The following MYO1E variants were observed in gnomAD, a reference collection of about 807,000 sequenced individuals.
MYO1E encodes unconventional myosin-Ie.
A neutral mutation model predicts 151.1 loss-of-function variants in MYO1E; 68 were observed. The ratio of observed to expected loss-of-function variants is 0.45; its 90% CI spans 0.37 to 0.55. MYO1E has a LOEUF of 0.55. MYO1E is among the 20% of genes least tolerant of loss of function. The pLI, the probability that MYO1E is intolerant of heterozygous loss-of-function variation, is 0.00. For missense variants in MYO1E, 1,363 were observed against 1,389.3 expected (o/e 0.98, Z 0.30); for synonymous variants, 601 against 501.7 (o/e 1.20, Z -2.64).
In MYO1E at chr15:59,372,860, T is replaced by A; in HGVS notation, c.-360A>T. ...TTCGGCCACTTAATCCGTACTCCTC[T>A]GGCTGAGTCTCGGCTCGGGCCGGGC... On this transcript the variant is annotated 5_prime_UTR_variant, in exon 1 of 28. Coordinates refer to ENST00000288235, the MANE Select transcript of MYO1E (RefSeq NM_004998.4). 2.9e-6 allele frequency: 1 copy of A among 346,928 alleles called. No individual in the cohort carries two copies. The highest frequency in any genetic ancestry group is 5.3e-6 in the Non-Finnish European group (1 of 190,170). The allele number at this position is 346,928 out of a possible 1,614,324, so 21.5% of individuals were successfully genotyped here.
intron 9 of MYO1E, among the ~76,000 whole-genome samples, chr15:59,221,780 G>A (rs746330655): frequency 1.3e-5 from 2 of 152,142 alleles, no homozygotes; most frequent in African/African-American, 4.8e-5. Context: ...ATCTAGGGAA[G>A]TGTTTGCTGT....
At chr15:59,324,462 T>C (rs1329679494) in intron 1 of MYO1E, among the ~76,000 whole-genome samples, 2 of 152,150 alleles carry the variant, frequency 1.3e-5, no homozygotes, top group Non-Finnish European at 2.9e-5. Flanking sequence ...AAAATCAGGC[T>C]GTCTTTGGAG....
At chr15:59,243,889 A>G (rs1168363565) in intron 4 of MYO1E, among the ~76,000 whole-genome samples, 2 of 152,008 alleles carry the variant, frequency 1.3e-5, no homozygotes, top group Non-Finnish European at 2.9e-5. Flanking sequence ...CTCAATTCAC[A>G]GACTCCGCTT....
At chr15:59,302,839 T>G (rs766551784) in intron 1 of MYO1E, among the ~76,000 whole-genome samples, 1 of 152,170 alleles carries the variant, frequency 6.6e-6, no homozygotes, top group Non-Finnish European at 1.5e-5. Flanking sequence ...ACTTGCCAAT[T>G]TAGAAGCTAA....
intron 18 of MYO1E, among the ~76,000 whole-genome samples, chr15:59,183,763 C>T (rs1338927515): frequency 6.6e-6 from 1 of 152,082 alleles, no homozygotes; most frequent in African/African-American, 2.4e-5. Flanking sequence ...TGCTAGGAAA[C>T]ACTAGGTCTT....
chr15:59,348,942 C>T (rs998365520), intron 1 of MYO1E: 1 of 152,184 alleles, frequency 6.6e-6, no homozygotes, highest in Non-Finnish European at 1.5e-5. Flanking sequence ...AGTTCAATAT[C>T]TTAATGAGAC....
intron 1 of MYO1E, among the ~76,000 whole-genome samples, chr15:59,356,662 C>G (rs1232159802): frequency 6.6e-6 from 1 of 152,198 alleles, no homozygotes; most frequent in Non-Finnish European, 1.5e-5. Flanking sequence ...ACTGCACCCT[C>G]TGCCTCCCGG....
chr15:59,145,625 C>G (rs751781660), intron 26 of MYO1E, among the ~76,000 whole-genome samples: 1 of 152,010 alleles, frequency 6.6e-6, no homozygotes, highest in Non-Finnish European at 1.5e-5. Context: ...CTCCTGGCCT[C>G]AAGTGATCCA....
chr15:59,215,315 G>A (rs1398059571), intron 10 of MYO1E, among the ~76,000 whole-genome samples: 2 of 152,144 alleles, frequency 1.3e-5, no homozygotes, highest in Non-Finnish European at 2.9e-5. Context: ...TCAATGTGTT[G>A]TTTCACTTAA....
intron 22 of MYO1E, among the ~76,000 whole-genome samples, chr15:59,167,149 T>G (rs1382836528): frequency 3.3e-5 from 5 of 152,146 alleles, no homozygotes; most frequent in Non-Finnish European, 5.9e-5. Context: ...CCAGAAAGTT[T>G]AGGGGATTCA....
chr15:59,181,864 C>T (rs1220294167), intron 18 of MYO1E, among the ~76,000 whole-genome samples: 1 of 152,194 alleles, frequency 6.6e-6, no homozygotes, highest in Non-Finnish European at 1.5e-5. Context: ...GGCAGCCTTT[C>T]TGTGGACACC....
At chr15:59,230,214 CAG>C (rs1491450674) in intron 6 of MYO1E, among the ~76,000 whole-genome samples, 5,205 of 45,886 alleles carry the variant, frequency 0.11, 241 homozygotes, top group Middle Eastern at 0.23. Flanking sequence ...GAGAGAGAGA[CAG>C]TGTGTGTTTG....
chr15:59,348,976 C>A (rs12593355), intron 1 of MYO1E: 20,921 of 152,072 alleles, frequency 0.14, 1,664 homozygotes, highest in East Asian at 0.29. Context: ...GGGTCTAACA[C>A]AAGGCAGAAC....
In MYO1E at chr15:59,134,149, C is replaced by T. The variant is rs546853027; in HGVS notation, c.*3231G>A. On this transcript the variant is annotated 3_prime_UTR_variant, in exon 28 of 28. Coordinates refer to ENST00000288235, the MANE Select transcript of MYO1E (RefSeq NM_004998.4). ...AGAATATTGGTGGACATGGTGTGCACACAGGGCAGGTCCTTTAAGGAGGAA... is the reference window on the plus strand; with the variant it reads ...AGAATATTGGTGGACATGGTGTGCATACAGGGCAGGTCCTTTAAGGAGGAA... 1 of 152,432 alleles carries T rather than the reference C, an allele frequency of 6.6e-6. No individual in the cohort carries two copies. The highest frequency in any genetic ancestry group is 2.4e-5 in the African/African-American group (1 of 41,568). The allele number at this position is 152,432 out of a possible 1,614,324, so 9.4% of individuals were successfully genotyped here.
At chr15:59,254,655 T>C (rs2080183802) in intron 4 of MYO1E, among the ~76,000 whole-genome samples, 2 of 148,628 alleles carry the variant, frequency 1.3e-5, no homozygotes, top group African/African-American at 2.4e-5. Context: ...TGTGTATATT[T>C]GTAATTATCC....
At chr15:59,300,148 G>A (rs2080473164) in intron 1 of MYO1E, among the ~76,000 whole-genome samples, 1 of 152,232 alleles carries the variant, frequency 6.6e-6, no homozygotes, top group Middle Eastern at 3.4e-3. Context: ...AAGAGCCTGG[G>A]CTTTGGGTCC....
chr15:59,204,845 G>T (rs1241620451), intron 15 of MYO1E, among the ~76,000 whole-genome samples: 2 of 152,198 alleles, frequency 1.3e-5, no homozygotes, highest in Non-Finnish European at 2.9e-5. Flanking sequence ...GAGCTCAGGG[G>T]CAAAGTATCA....
chr15:59,158,633 T>C (rs149235140), intron 24 of MYO1E, among the ~76,000 whole-genome samples: 55 of 152,298 alleles, frequency 3.6e-4, no homozygotes, highest in African/African-American at 1.2e-3. Flanking sequence ...TAAAGAAGGA[T>C]TGGTCATCTT....
At chr15:59,337,910 T>C (rs2080739344) in intron 1 of MYO1E, among the ~76,000 whole-genome samples, 1 of 152,246 alleles carries the variant, frequency 6.6e-6, no homozygotes, top group Non-Finnish European at 1.5e-5. Context: ...CTTTACTCAA[T>C]AAGGCAAATC....
Sources: allele counts gnomAD v4.1 joint callset (sites outside exome capture counted in the v4.1 genomes callset), GRCh38; gene constraint gnomAD v4.1.1; transcripts MANE v1.5; gene names NCBI Gene and HGNC (gene_info 2026-07-23, HGNC 2026-07-21).